The following MSI2 variants were observed in gnomAD, a reference collection of about 807,000 sequenced individuals.
MSI2 encodes musashi RNA binding protein 2, also known as RNA-binding protein Musashi homolog 2.
MSI2 carries 17 observed loss-of-function variants against 45.6 expected under a neutral mutation model. The ratio of observed to expected loss-of-function variants is 0.37; its 90% CI spans 0.26 to 0.56. MSI2 has a LOEUF of 0.56. MSI2 is among the 20% of genes least tolerant of loss of function. The probability of loss-of-function intolerance (pLI) is 0.77; values close to 1 mark genes in which losing one functional copy is unlikely to be tolerated. For synonymous variants in MSI2, 156 were observed against 158.2 expected (o/e 0.99, Z 0.11); for missense variants, 293 against 444.2 (o/e 0.66, Z 3.06).
intron 3 of MSI2, among the ~76,000 whole-genome samples, chr17:57,257,924 G>T (rs1906956022): frequency 6.6e-6 from 1 of 151,978 alleles, no homozygotes; most frequent in Non-Finnish European, 1.5e-5. Context: ...GAAAGATGGT[G>T]GTAAATCTCT....
intron 7 of MSI2, among the ~76,000 whole-genome samples, chr17:57,531,223 G>T (rs940863088): frequency 6.6e-6 from 1 of 152,190 alleles, no homozygotes; most frequent in Non-Finnish European, 1.5e-5. Flanking sequence ...CCCCTGGAGG[G>T]TTGTTGTGAC....
intron 6 of MSI2, among the ~76,000 whole-genome samples, chr17:57,465,575 T>G (rs1188036689): frequency 6.6e-6 from 1 of 152,172 alleles, no homozygotes; most frequent in East Asian, 1.9e-4. Flanking sequence ...AGGAGCCCGT[T>G]GTATGCCAGG....
chr17:57,660,785 G>A (rs907556037), intron 11 of MSI2, among the ~76,000 whole-genome samples: 8 of 152,194 alleles, frequency 5.3e-5, no homozygotes, highest in African/African-American at 1.2e-4. Context: ...TGAGGTGGAG[G>A]CCCTGCTTTA....
intron 6 of MSI2, among the ~76,000 whole-genome samples, chr17:57,525,273 G>T (rs772081244): frequency 2.3e-4 from 35 of 151,532 alleles, no homozygotes; most frequent in East Asian, 5.8e-4. Flanking sequence ...TTGCTTTTTT[G>T]GGGGGGGCAG....
chr17:57,313,703 G>T (rs1176749884), intron 5 of MSI2, among the ~76,000 whole-genome samples: 1 of 152,212 alleles, frequency 6.6e-6, no homozygotes, highest in Non-Finnish European at 1.5e-5. Flanking sequence ...TCCGCTTTCA[G>T]TTCGGTCCGG....
chr17:57,514,209 G>A (rs1484709303), intron 6 of MSI2, among the ~76,000 whole-genome samples: 1 of 123,052 alleles, frequency 8.1e-6, no homozygotes, highest in Non-Finnish European at 2.0e-5. Flanking sequence ...AGCAGCTAAG[G>A]GATTTTTTTT....
intron 5 of MSI2, among the ~76,000 whole-genome samples, chr17:57,330,720 A>G (rs1179531028): frequency 6.6e-6 from 1 of 152,156 alleles, no homozygotes; most frequent in Non-Finnish European, 1.5e-5. Context: ...GGTTTCAAAA[A>G]AAACACTTGG....
At chr17:57,273,934 G>A (rs1386967815) in intron 5 of MSI2, among the ~76,000 whole-genome samples, 3 of 152,190 alleles carry the variant, frequency 2.0e-5, no homozygotes, top group Non-Finnish European at 4.4e-5. Flanking sequence ...TGTCAGAGCG[G>A]GGGAACTGCT....
chr17:57,341,631 G>C (rs1318557682), intron 5 of MSI2, among the ~76,000 whole-genome samples: 2 of 152,210 alleles, frequency 1.3e-5, no homozygotes, highest in Non-Finnish European at 2.9e-5. Flanking sequence ...TGTAGCAAGT[G>C]GTAGCACTAC....
chr17:57,676,107 C>T (rs1003508814), intron 12 of MSI2, among the ~76,000 whole-genome samples: 1 of 152,366 alleles, frequency 6.6e-6, no homozygotes, highest in East Asian at 1.9e-4. Flanking sequence ...TGACAGCTGG[C>T]AAGCCCTGAC....
At chr17:57,464,011 GTGTGTGTGTA>G (rs1218220743) in intron 6 of MSI2, among the ~76,000 whole-genome samples, 12 of 130,252 alleles carry the variant, frequency 9.2e-5, no homozygotes, top group African/African-American at 2.9e-4. Context: ...GTGTGTGTGT[GTGTGTGTGTA>G]TGTGTGTGTG....
At chr17:57,497,392 G>A (rs971014470) in intron 6 of MSI2, among the ~76,000 whole-genome samples, 1 of 152,184 alleles carries the variant, frequency 6.6e-6, no homozygotes, top group South Asian at 2.1e-4. Flanking sequence ...CGAGGAAAGG[G>A]AACAGGACTT....
At chr17:57,575,697 G>A (rs1347723102) in intron 7 of MSI2, among the ~76,000 whole-genome samples, 3 of 152,132 alleles carry the variant, frequency 2.0e-5, no homozygotes, top group African/African-American at 7.2e-5. Context: ...TGTAATCCCA[G>A]CACTTTGGGA....
chr17:57,260,676 G>A (rs1907226875), intron 4 of MSI2, among the ~76,000 whole-genome samples: 1 of 152,180 alleles, frequency 6.6e-6, no homozygotes, highest in Non-Finnish European at 1.5e-5. Context: ...TTCTAGATCA[G>A]AGATTTTTGT....
intron 5 of MSI2, among the ~76,000 whole-genome samples, chr17:57,287,587 C>T (rs1910029838): frequency 6.6e-6 from 1 of 152,176 alleles, no homozygotes; most frequent in South Asian, 2.1e-4. Context: ...CTCTGGTTTG[C>T]TTTGGGTACT....
intron 10 of MSI2, among the ~76,000 whole-genome samples, chr17:57,643,257 C>A (rs964196059): frequency 2.0e-5 from 3 of 152,202 alleles, no homozygotes; most frequent in Non-Finnish European, 4.4e-5. Context: ...GAAAATGCCC[C>A]CTCTCAGAGA....
rs114836909 is a variant in MSI2 at position 57,390,119 on chromosome 17, G to A, written c.313-11260G>A. Among the ~76,000 whole-genome samples, 1,447 of 151,868 alleles carry A rather than the reference G, an allele frequency of 9.5e-3. 22 individuals carry two copies. The highest frequency in any genetic ancestry group is 0.033 in the African/African-American group (1,372 of 41,402). On this transcript the variant is annotated intron_variant, in intron 5 of 13. Coordinates refer to ENST00000284073, the MANE Select transcript of MSI2 (RefSeq NM_138962.4). ...AGAAAAGAAAAAGCCAGATGTGGTC[G>A]TGTGTGCATGCTTGTAGTCTCTTCT... is the stretch of plus-strand genomic sequence containing the variant.
At chr17:57,458,621 C>T (rs1404423100) in intron 6 of MSI2, among the ~76,000 whole-genome samples, 1 of 152,222 alleles carries the variant, frequency 6.6e-6, no homozygotes, top group Non-Finnish European at 1.5e-5. Flanking sequence ...TGGAGAGCCC[C>T]TCTCCAGCTC....
At chr17:57,304,329 C>T (rs1370029508) in intron 5 of MSI2, among the ~76,000 whole-genome samples, 4 of 145,208 alleles carry the variant, frequency 2.8e-5, no homozygotes, top group African/African-American at 1.0e-4. Flanking sequence ...TGCACTTCAG[C>T]CTGGGCGACA....
Sources: gnomAD v4.1 joint callset for allele counts (sites outside exome capture counted in the v4.1 genomes callset) on GRCh38, gnomAD v4.1.1 for gene constraint, MANE v1.5 for transcripts, NCBI Gene and HGNC (gene_info 2026-07-23, HGNC 2026-07-21) for gene names.